Variants in GALNT5 observed in about 807,000 individuals in gnomAD.
The protein encoded by GALNT5 is polypeptide N-acetylgalactosaminyltransferase 5.
Under a neutral mutation model 85.4 loss-of-function variants are expected in GALNT5, and 72 were observed. That is an observed-to-expected ratio of 0.84 (90% CI 0.70 to 1.03). GALNT5 has a LOEUF of 1.03. Among genes scored for constraint, GALNT5 ranks in the 50% least tolerant of loss-of-function variants. The pLI is 0.00. For synonymous variants in GALNT5, 404 were observed against 397.0 expected, an observed-to-expected ratio of 1.02 and a Z score of -0.21; for missense variants, 1,137 against 1,135.5, an observed-to-expected ratio of 1.00 and a Z score of -0.02.
chr2:157,272,981 C>A (rs999228402), intron 1 of GALNT5, among the ~76,000 whole-genome samples: 4 of 152,130 alleles, frequency 2.6e-5, no homozygotes, highest in African/African-American at 9.7e-5. Context: ...ACATTCCTAC[C>A]GACAGTATGG....
intron 8 of GALNT5, among the ~76,000 whole-genome samples, chr2:157,307,615 C>T (rs191835405): frequency 3.3e-4 from 50 of 152,300 alleles, no homozygotes; most frequent in African/African-American, 1.2e-3. Flanking sequence ...AAGTAGCTCC[C>T]AGCTGATGCG....
Position 157,300,850 on chromosome 2 carries a change from G to A in GALNT5, c.2290G>A (p.Gly764Arg), listed in dbSNP as rs1389968125. 3.1e-6 allele frequency: 5 copies of A among 1,613,936 alleles called. No homozygotes were observed. Among genetic ancestry groups the A allele is most frequent in the Admixed American group, 1.7e-5 (1 of 59,998 alleles). Residue 764 changes from glycine (G) to arginine (R), a missense_variant, in exon 7 of 10, where the codon GGA (glycine) becomes AGA (arginine). By Grantham distance (125) the Gly-to-Arg change is moderately radical. Transcript: ENST00000259056. ...DEYKELFYGH[G>R]DHLIDQGLDV... Reference sequence around the variant, plus strand: ...GTATAAGGAGCTGTTCTATGGCCACGGAGACCACCTCATCGACCAAGGGCT... The same window carrying A: ...GTATAAGGAGCTGTTCTATGGCCACAGAGACCACCTCATCGACCAAGGGCT...
rs997444819 is a variant in GALNT5, at chr2:157,315,640, T to G, written c.*4292T>G. Among the ~76,000 whole-genome samples, 9 of 152,186 alleles carry G rather than the reference T, an allele frequency of 5.9e-5. No homozygotes were observed. Among genetic ancestry groups the G allele is most frequent in the African/African-American group, 2.2e-4 (9 of 41,456 alleles). ...TAAACATGGCTACCCCCACATGTTT[T>G]GCTGTGATCTATCTCTTTGACTTCA... On this transcript the variant is annotated 3_prime_UTR_variant, in exon 10 of 10. Transcript: ENST00000259056.
At position 157,317,192 on chromosome 2, in the gene GALNT5, ATATATAT is replaced by A. The variant is rs1190161180; in HGVS notation, c.*5846_*5852del. 6.7e-5 allele frequency among the ~76,000 whole-genome samples: 9 copies of A among 135,032 alleles called. No homozygotes were observed. The highest frequency in any genetic ancestry group is 2.8e-4 in the African/African-American group (9 of 31,932). The allele number at this position is 135,032 out of a possible 152,430, so 88.6% of individuals were successfully genotyped here. ...TGTGTGTGTATATATATATATATAT[ATATATAT>A]TTTTTTTTTTGATGCTTTGATCTGG... On this transcript the variant is annotated 3_prime_UTR_variant, in exon 10 of 10. Coordinates refer to ENST00000259056, the MANE Select transcript of GALNT5 (RefSeq NM_014568.3).
rs1305298639 is a variant in GALNT5 at position 157,285,883 on chromosome 2, T to C, written c.1622-132T>C. On this transcript the variant is annotated intron_variant, in intron 2 of 9. Coordinates refer to ENST00000259056, the MANE Select transcript of GALNT5 (RefSeq NM_014568.3). ...AAAATGACATCAGAAAATAAAATTATGACCCAAGGAATAAAATTCAGTGAT... is the reference window on the plus strand; with the variant it reads ...AAAATGACATCAGAAAATAAAATTACGACCCAAGGAATAAAATTCAGTGAT... 8.1e-6 allele frequency: 5 copies of C among 617,098 alleles called. No individual in the cohort carries two copies. The Admixed American group carries it at 1.5e-4, about 18-fold the overall frequency. The allele number at this position is 617,098 out of a possible 1,614,324, so 38.2% of individuals were successfully genotyped here.
chr2:157,301,436 GACTTTGTAACT>G (rs1200227730), intron 7 of GALNT5: 14 of 205,796 alleles, frequency 6.8e-5, no homozygotes, highest in African/African-American at 2.6e-4. Flanking sequence ...CTGAGAAGGA[GACTTTGTAACT>G]CAGGCCTAAA....
chr2:157,284,378 C>T lies in GALNT5; in HGVS notation c.1551C>T (p.His517=), dbSNP rs1374231957. ...GGTCCACTCTCCTGAGATCTGTTCA[C>T]AGTGTCATCAATCGCTCTCCTCCAC... ...EVWSTLLRSV[H]SVINRSPPHL... Residue 517 remains histidine (H), a synonymous_variant, in exon 2 of 10, where the codon CAC becomes CAT. Coordinates refer to ENST00000259056, the MANE Select transcript of GALNT5 (RefSeq NM_014568.3). 5 of 1,613,624 alleles carry T rather than the reference C, an allele frequency of 3.1e-6. No individual in the cohort carries two copies. In the African/African-American group the frequency reaches 6.7e-5, roughly 22 times the overall value.
At chr2:157,278,558 T>C (rs182723525) in intron 1 of GALNT5, among the ~76,000 whole-genome samples, 168 of 152,308 alleles carry the variant, frequency 1.1e-3, no homozygotes, top group African/African-American at 3.8e-3. Flanking sequence ...CCCATTTCAT[T>C]AATTTGATCT....
intron 5 of GALNT5, chr2:157,298,903 A>G (rs573147325): frequency 5.3e-5 from 8 of 151,978 alleles, no homozygotes; most frequent in African/African-American, 1.9e-4. Context: ...TGGAGGTTCT[A>G]GTAGAGAGCG....
intron 1 of GALNT5, among the ~76,000 whole-genome samples, chr2:157,261,741 T>C (rs912163782): frequency 6.6e-6 from 1 of 152,218 alleles, no homozygotes; most frequent in Non-Finnish European, 1.5e-5. Context: ...AAATTATGTA[T>C]TCATATAGAT....
At chr2:157,308,452 A>C in intron 8 of GALNT5, 115 bp from the exon 9 acceptor site, 1 of 714,982 alleles carries the variant, frequency 1.4e-6, no homozygotes, top group Non-Finnish European at 2.4e-6. Flanking sequence ...GGACTTGAAT[A>C]TAAAATGTCA....
At chr2:157,290,112 T>TATACACACAC (rs1416458086) in intron 3 of GALNT5, among the ~76,000 whole-genome samples, 1 of 138,260 alleles carries the variant, frequency 7.2e-6, no homozygotes, top group East Asian at 2.1e-4. Flanking sequence ...TATATATATA[T>TATACACACAC]ACATACACAA....
At chr2:157,284,522 G>A in intron 2 of GALNT5, 74 bp downstream of exon 2, 1 of 1,099,108 alleles carries the variant, frequency 9.1e-7, no homozygotes, top group Non-Finnish European at 1.4e-6. Flanking sequence ...CAGTTTGGAT[G>A]GCAAAATTAT....
chr2:157,289,559 T>C (rs1349347876), intron 3 of GALNT5, among the ~76,000 whole-genome samples: 1 of 152,172 alleles, frequency 6.6e-6, no homozygotes, highest in Non-Finnish European at 1.5e-5. Context: ...ATTGATTCAC[T>C]AAGGGAATCT....
At chr2:157,279,865 C>T (rs921259029) in intron 1 of GALNT5, among the ~76,000 whole-genome samples, 3 of 152,236 alleles carry the variant, frequency 2.0e-5, no homozygotes, top group African/African-American at 4.8e-5. Context: ...CCAGGTACCT[C>T]AGTTGGAAAT....
At chr2:157,276,753 G>C (rs889118438) in intron 1 of GALNT5, among the ~76,000 whole-genome samples, 50 of 151,854 alleles carry the variant, frequency 3.3e-4, no homozygotes, top group Non-Finnish European at 5.9e-4. Flanking sequence ...CAATTTTGTT[G>C]ATCTTTTCAA....
At chr2:157,281,789 G>A (rs147975793) in intron 1 of GALNT5, among the ~76,000 whole-genome samples, 1 of 152,314 alleles carries the variant, frequency 6.6e-6, no homozygotes, top group Admixed American at 6.5e-5. Context: ...TAGTGGCAGT[G>A]AGCTTGGCTT....
chr2:157,300,338 G>A (rs74876049), intron 6 of GALNT5, among the ~76,000 whole-genome samples: 3,811 of 152,204 alleles, frequency 0.025, 162 homozygotes, highest in East Asian at 0.17. Flanking sequence ...GTAGAGGAAC[G>A]TGAACAAATG....
At position 157,258,695 on chromosome 2, in the gene GALNT5, A is replaced by G; in HGVS notation, c.613A>G (p.Ser205Gly). ...GCCCCGGAAGAGTCATAGTCCCAGCAGTGACACATCAAAACTAGCAGCTGA... is the reference window on the plus strand; with the variant it reads ...GCCCCGGAAGAGTCATAGTCCCAGCGGTGACACATCAAAACTAGCAGCTGA... ...QEPRKSHSPS[S>G]DTSKLAAERD... The change falls in exon 1 of 10, where the codon AGT (serine) becomes GGT (glycine). Residue 205 changes from serine (S) to glycine (G), a missense_variant. Ser to Gly is a moderately conservative substitution (Grantham distance 56). Coordinates refer to ENST00000259056, the MANE Select transcript of GALNT5 (RefSeq NM_014568.3). The G allele has an allele frequency of 6.2e-7, 1 of 1,614,010 alleles. No individual in the cohort carries two copies. Among genetic ancestry groups the G allele is most frequent in the Non-Finnish European group, 8.5e-7 (1 of 1,180,006 alleles).
Sources: allele counts gnomAD v4.1 joint callset (sites outside exome capture counted in the v4.1 genomes callset), GRCh38; gene constraint gnomAD v4.1.1; transcripts MANE v1.5; gene names NCBI Gene and HGNC (gene_info 2026-07-23, HGNC 2026-07-21).